ALDH1L1: variants seen among roughly 807,000 people sequenced by gnomAD.
The protein encoded by ALDH1L1 is aldehyde dehydrogenase 1 family member L1, also known as cytosolic 10-formyltetrahydrofolate dehydrogenase.
ALDH1L1 carries 68 observed loss-of-function variants against 101.1 expected under a neutral mutation model. The observed-to-expected ratio is 0.67, with a 90% CI of 0.55 to 0.82. The LOEUF is 0.82. Ranked by LOEUF, ALDH1L1 falls within the 40% of genes least tolerant of loss-of-function variation. ALDH1L1 has a pLI of 0.00. For missense variants in ALDH1L1, 1,087 were observed against 1,172.7 expected (o/e 0.93, Z 1.07); for synonymous variants, 486 against 470.8 (o/e 1.03, Z -0.42).
chr3:126,112,670 G>A, intron 19 of ALDH1L1, 112 bp downstream of exon 19: 3 of 1,001,608 alleles, frequency 3.0e-6, no homozygotes, highest in South Asian at 1.4e-5. Context: ...TGTCCTCCAG[G>A]AGGAGCCCAG....
chr3:126,107,072 C>A, intron 21 of ALDH1L1, 69 bp downstream of exon 21: 2 of 1,419,570 alleles, frequency 1.4e-6, no homozygotes, highest in South Asian at 1.2e-5. Flanking sequence ...CCTCCCAAAG[C>A]CCACATGAAG....
intron 1 of ALDH1L1, among the ~76,000 whole-genome samples, chr3:126,187,216 A>G (rs746792007): frequency 2.6e-5 from 4 of 152,156 alleles, no homozygotes; most frequent in Admixed American, 6.5e-5. Flanking sequence ...TTGAATGTAC[A>G]AGAAAGAAAG....
chr3:126,114,536 C>T (rs1946175666), intron 18 of ALDH1L1, 21 bp downstream of exon 18: 5 of 1,482,954 alleles, frequency 3.4e-6, no homozygotes, highest in African/African-American at 1.4e-5. Flanking sequence ...TGTCCCTGCC[C>T]CCTCCAGGCC....
chr3:126,165,167 C>T (rs778908964), intron 1 of ALDH1L1, among the ~76,000 whole-genome samples: 30 of 152,028 alleles, frequency 2.0e-4, no homozygotes, highest in South Asian at 4.1e-4. Context: ...TTTTCTGTAT[C>T]TATTGAGATG....
chr3:126,114,857 G>A (rs1388014939), intron 17 of ALDH1L1: 2 of 622,048 alleles, frequency 3.2e-6, no homozygotes, highest in Non-Finnish European at 5.9e-6. Context: ...TACACACCAG[G>A]CCTGTGCCCC....
intron 14 of ALDH1L1, chr3:126,128,841 A>C (rs6786927): frequency 0.64 from 96,472 of 151,796 alleles, 30,766 homozygotes; most frequent in Middle Eastern, 0.72. Flanking sequence ...GACACCCCCC[A>C]ACCCCATGCT....
In ALDH1L1 at chr3:126,136,872, T is replaced by G. The variant is rs1442116545; in HGVS notation, c.1236A>C (p.Ala412=). 1 of 1,613,518 alleles carries G rather than the reference T, an allele frequency of 6.2e-7. No individual in the cohort carries two copies. Among genetic ancestry groups the G allele is most frequent in the African/African-American group, 1.3e-5 (1 of 74,920 alleles). The part of the protein sequence containing the change: ...GECSIDYVEM[A]VNKRTVRMPH... ...GCATGCGGACAGTGCGCTTGTTCAC[T>G]GCCATTTCCACCTGAAAGAAAGGCC... Residue 412 remains alanine, a synonymous_variant, in exon 11 of 23, where the codon GCA becomes GCC. Transcript: ENST00000393434.
intron 11 of ALDH1L1, among the ~76,000 whole-genome samples, 196 bp downstream of exon 11, chr3:126,136,568 A>G (rs2080449926): frequency 6.6e-6 from 1 of 151,894 alleles, no homozygotes; most frequent in Non-Finnish European, 1.5e-5. Flanking sequence ...GCCACCTGCC[A>G]CCACCCTGCA....
chr3:126,146,739 G>A, intron 9 of ALDH1L1, 96 bp downstream of exon 9: 1 of 1,338,796 alleles, frequency 7.5e-7, no homozygotes, highest in Non-Finnish European at 1.0e-6. Context: ...TGATCCATGA[G>A]TGTAACAAAT....
intron 12 of ALDH1L1, among the ~76,000 whole-genome samples, chr3:126,131,816 G>C (rs558812002): frequency 6.6e-6 from 1 of 152,192 alleles, no homozygotes; most frequent in Non-Finnish European, 1.5e-5. Flanking sequence ...CTATTCCTCC[G>C]AAATTATCCT....
chr3:126,154,467 C>A (rs995732602), intron 6 of ALDH1L1, 87 bp downstream of exon 6: 1 of 1,355,056 alleles, frequency 7.4e-7, no homozygotes, highest in Non-Finnish European at 1.0e-6. Context: ...ATTTATTATA[C>A]CAACCAGTTC....
intron 4 of ALDH1L1, among the ~76,000 whole-genome samples, chr3:126,157,051 C>T (rs1488787638): frequency 6.6e-6 from 1 of 152,108 alleles, no homozygotes; most frequent in African/African-American, 2.4e-5. Context: ...AGGGTGTGAC[C>T]CAGTCCCTGC....
At chr3:126,194,488 C>T (rs1009507179) in intron 1 of ALDH1L1, among the ~76,000 whole-genome samples, 10 of 152,142 alleles carry the variant, frequency 6.6e-5, no homozygotes, top group African/African-American at 2.4e-4. Flanking sequence ...ATCAGTTTAA[C>T]CATGAGGTGA....
chr3:126,160,990 G>A lies in ALDH1L1; in HGVS notation c.-11C>T. The A allele has an allele frequency of 1.2e-6, 2 of 1,614,162 alleles. No homozygotes were observed. The highest frequency in any genetic ancestry group is 1.7e-6 in the Non-Finnish European group (2 of 1,180,020). ...CACTGCAATCTTCATGGTAGCAGGA[G>A]GGTTGGAAGGACCTGGAGAAGGAAT... On this transcript the variant is annotated 5_prime_UTR_variant, in exon 2 of 23. Coordinates refer to ENST00000393434, the MANE Select transcript of ALDH1L1 (RefSeq NM_012190.4).
At chr3:126,113,228 G>T (rs1277859740) in intron 18 of ALDH1L1, among the ~76,000 whole-genome samples, 1 of 152,156 alleles carries the variant, frequency 6.6e-6, no homozygotes, top group Non-Finnish European at 1.5e-5. Context: ...TCACTGGGGC[G>T]GCCCAGGAGG....
intron 1 of ALDH1L1, among the ~76,000 whole-genome samples, chr3:126,175,009 A>C (rs2081345788): frequency 6.6e-6 from 1 of 152,148 alleles, no homozygotes; most frequent in Non-Finnish European, 1.5e-5. Context: ...AGGTTAACTA[A>C]GAAGAAAAAG....
chr3:126,150,719 C>A, intron 7 of ALDH1L1, 188 bp from the exon 8 acceptor site: 4 of 555,648 alleles, frequency 7.2e-6, no homozygotes, highest in South Asian at 4.0e-5. Flanking sequence ...CCATGCCCGA[C>A]TAATTTTTGT....
intron 7 of ALDH1L1, chr3:126,150,843 C>T (rs2080795671): frequency 3.8e-6 from 1 of 260,776 alleles, no homozygotes; most frequent in South Asian, 4.5e-5. Flanking sequence ...CAGGCATGAG[C>T]CACTGCGCCC....
chr3:126,115,078 G>A, intron 17 of ALDH1L1: 1 of 457,446 alleles, frequency 2.2e-6, no homozygotes, highest in South Asian at 1.6e-5. Context: ...GCATCTGTCT[G>A]GGTCCTATTA....
Sources: allele counts gnomAD v4.1 joint callset (sites outside exome capture counted in the v4.1 genomes callset), GRCh38; gene constraint gnomAD v4.1.1; transcripts MANE v1.5; gene names NCBI Gene and HGNC (gene_info 2026-07-23, HGNC 2026-07-21).